ZNG1C: variants seen among roughly 807,000 people sequenced by gnomAD.
ZNG1C encodes the protein zinc-regulated GTPase metalloprotein activator 1C.
chr9:68,268,704 A>C, the ZNG1C span, among the ~76,000 whole-genome samples: 1 of 152,226 alleles, frequency 6.6e-6, no homozygotes, highest in Admixed American at 6.5e-5. Flanking sequence ...GAATTTTTGC[A>C]TATATGTTTT....
chr9:68,276,626 G>A, the ZNG1C span, among the ~76,000 whole-genome samples: 74 of 139,958 alleles, frequency 5.3e-4, no homozygotes, highest in African/African-American at 1.8e-3. Context: ...GATATGCGGC[G>A]TTATTTCTGA....
At chr9:68,281,326 C>A in the ZNG1C span, among the ~76,000 whole-genome samples, 49 of 152,142 alleles carry the variant, frequency 3.2e-4, no homozygotes, top group African/African-American at 1.2e-3. Flanking sequence ...AGCTGTAGAC[C>A]GGAGCTGTTC....
chr9:68,244,368 C>A, the ZNG1C span, among the ~76,000 whole-genome samples: 1 of 68,232 alleles, frequency 1.5e-5, no homozygotes, highest in Non-Finnish European at 3.1e-5. Context: ...GTTGAGCTTC[C>A]TAAAGTACTC....
At chr9:68,266,713 GT>G in the ZNG1C span, among the ~76,000 whole-genome samples, 42 of 115,756 alleles carry the variant, frequency 3.6e-4, no homozygotes, top group African/African-American at 1.3e-3. Context: ...TTCTTGTTCT[GT>G]TTTTTTTTTT....
the ZNG1C span, chr9:68,274,426 A>ATATT: frequency 1.6e-5 from 3 of 182,890 alleles, no homozygotes. Flanking sequence ...GAGTAACTTA[A>ATATT]TATTTTGTAC....
At chr9:68,295,046 C>CATCA in the ZNG1C span, among the ~76,000 whole-genome samples, 1 of 56,886 alleles carries the variant, frequency 1.8e-5, no homozygotes, top group Non-Finnish European at 3.4e-5. Flanking sequence ...AATCTGAAGG[C>CATCA]ATCACATTAC....
chr9:68,299,219 T>C, the ZNG1C span: 1 of 1,560,504 alleles, frequency 6.4e-7, no homozygotes. Flanking sequence ...TTGTGGTCAA[T>C]GTTTCATCTT....
chr9:68,245,908 CTT>C, the ZNG1C span, among the ~76,000 whole-genome samples: 1 of 127,130 alleles, frequency 7.9e-6, no homozygotes, highest in Admixed American at 8.1e-5. Flanking sequence ...CAAAAAATGT[CTT>C]TTTTAGGAAT....
chr9:68,273,942 T>C, the ZNG1C span: 1 of 138,168 alleles, frequency 7.2e-6, no homozygotes, highest in Admixed American at 7.9e-5. Context: ...TAGGTTCAAA[T>C]GATTCTCCTG....
At chr9:68,249,095 C>G in the ZNG1C span, 1 of 583,402 alleles carries the variant, frequency 1.7e-6, no homozygotes, top group South Asian at 2.1e-5. Context: ...TTTCTTGGTG[C>G]TTTTAAGCTG....
chr9:68,276,531 G>A, the ZNG1C span, among the ~76,000 whole-genome samples: 21 of 148,570 alleles, frequency 1.4e-4, no homozygotes, highest in Admixed American at 5.5e-4. Context: ...ATGGCTAGCC[G>A]GTTTTCCCAG....
chr9:68,276,994 G>A, the ZNG1C span, among the ~76,000 whole-genome samples: 79 of 22,288 alleles, frequency 3.5e-3, no homozygotes, highest in African/African-American at 6.8e-3. Flanking sequence ...GCAGTGGTTT[G>A]TAGTTCTCCT....
the ZNG1C span, among the ~76,000 whole-genome samples, chr9:68,276,593 T>A: frequency 1.3e-5 from 2 of 149,142 alleles, no homozygotes; most frequent in African/African-American, 5.0e-5. Context: ...TTTCTCAGGT[T>A]TGTCAAAGAT....
the ZNG1C span, among the ~76,000 whole-genome samples, chr9:68,281,069 G>A: frequency 7.4e-6 from 1 of 135,760 alleles, no homozygotes; most frequent in Non-Finnish European, 1.6e-5. Context: ...TCAGAAAAGC[G>A]CAGTATTCGG....
the ZNG1C span, among the ~76,000 whole-genome samples, chr9:68,291,773 G>A: frequency 6.6e-6 from 1 of 151,890 alleles, no homozygotes; most frequent in East Asian, 1.9e-4. Flanking sequence ...AGTATCTCAT[G>A]TTTTTGGGCG....
the ZNG1C span, among the ~76,000 whole-genome samples, chr9:68,281,173 C>A: frequency 2.0e-5 from 3 of 151,834 alleles, no homozygotes; most frequent in Non-Finnish European, 4.4e-5. Context: ...CCAAGTGAGA[C>A]AATGCCTCGC....
chr9:68,282,675 G>A, the ZNG1C span, among the ~76,000 whole-genome samples: 2 of 78,878 alleles, frequency 2.5e-5, 1 homozygote, highest in Non-Finnish European at 6.1e-5. Context: ...GGGACAGGCA[G>A]GGCAGTTATT....
At chr9:68,249,088 C>G in the ZNG1C span, 1 of 579,288 alleles carries the variant, frequency 1.7e-6, no homozygotes. Flanking sequence ...CAGAGTATTT[C>G]TTGGTGCTTT....
the ZNG1C span, among the ~76,000 whole-genome samples, chr9:68,264,855 A>ATATATG: frequency 7.7e-3 from 555 of 72,050 alleles, 3 homozygotes; most frequent in South Asian, 0.012. Flanking sequence ...ATATATATAT[A>ATATATG]TGTATAATAA....
Sources: gnomAD v4.1 joint callset for allele counts (sites outside exome capture counted in the v4.1 genomes callset) on GRCh38, gnomAD v4.1.1 for gene constraint, MANE v1.5 for transcripts, NCBI Gene and HGNC (gene_info 2026-07-23, HGNC 2026-07-21) for gene names.